The following ITGB1 variants were observed in gnomAD, a reference collection of about 807,000 sequenced individuals.
ITGB1 encodes the protein integrin subunit beta 1.
Under a neutral mutation model 86.5 loss-of-function variants are expected in ITGB1, and 24 were observed. The ratio of observed to expected loss-of-function variants is 0.28; its 90% CI spans 0.20 to 0.39. ITGB1 has a LOEUF of 0.39. Among genes scored for constraint, ITGB1 ranks in the 10% least tolerant of loss-of-function variants. The probability of loss-of-function intolerance (pLI) is 1.00; values close to 1 mark genes in which losing one functional copy is unlikely to be tolerated. For missense variants in ITGB1, 556 were observed against 946.9 expected, an observed-to-expected ratio of 0.59 and a Z score of 5.42; for synonymous variants, 323 against 316.8, an observed-to-expected ratio of 1.02 and a Z score of -0.21.
At chr10:32,939,434 C>G (rs2095012483) in intron 1 of ITGB1, among the ~76,000 whole-genome samples, 1 of 152,202 alleles carries the variant, frequency 6.6e-6, no homozygotes, top group African/African-American at 2.4e-5. Flanking sequence ...CATCTTTGTG[C>G]AACCATCACA....
intron 6 of ITGB1, 51 bp from the exon 7 acceptor site, chr10:32,923,791 C>A (rs1478675429): frequency 2.0e-6 from 3 of 1,491,432 alleles, no homozygotes; most frequent in Non-Finnish European, 2.7e-6. Context: ...AGTAATTCAA[C>A]AAAAATCCTT....
intron 6 of ITGB1, among the ~76,000 whole-genome samples, chr10:32,924,762 G>A (rs1256793255): frequency 6.6e-6 from 1 of 152,208 alleles, no homozygotes; most frequent in African/African-American, 2.4e-5. Flanking sequence ...GGCTATAACA[G>A]CAGGGACTAA....
chr10:32,923,476 C>G, intron 7 of ITGB1, 109 bp downstream of exon 7: 1 of 922,662 alleles, frequency 1.1e-6, no homozygotes, highest in Non-Finnish European at 1.6e-6. Flanking sequence ...ACCAAAACAG[C>G]AAAACCTCAA....
chr10:32,924,732 C>T (rs2094959814), intron 6 of ITGB1, among the ~76,000 whole-genome samples: 1 of 152,186 alleles, frequency 6.6e-6, no homozygotes, highest in Admixed American at 6.5e-5. Context: ...CTAGGTACTA[C>T]CTGGAATGCT....
chr10:32,927,994 A>T (rs1156978908), intron 5 of ITGB1, 100 bp downstream of exon 5: 56 of 702,320 alleles, frequency 8.0e-5, no homozygotes, highest in Non-Finnish European at 1.2e-4. Context: ...TGTTTATCTC[A>T]CAAGTATGTT....
Position 32,907,119 on chromosome 10 carries a change from G to A in ITGB1, c.2331+1249C>T. On this transcript the variant is annotated intron_variant, in intron 15 of 15. Coordinates refer to ENST00000302278, the MANE Select transcript of ITGB1 (RefSeq NM_002211.4). ...TTTGGATTCTTGAAATTATTAATAG[G>A]ACTCTTGTAAATCGGATTTTCTTGC... 1 of 1,345,614 alleles carries A rather than the reference G, an allele frequency of 7.4e-7. No homozygotes were observed. 83.4% of individuals were successfully genotyped at this position (1,345,614 alleles called of 1,614,324 possible). A position where few individuals can be genotyped will look rare whatever the true frequency, so the allele number is the denominator to read the frequency against.
At chr10:32,904,710 T>C (rs2094891467) in intron 15 of ITGB1, among the ~76,000 whole-genome samples, 1 of 152,188 alleles carries the variant, frequency 6.6e-6, no homozygotes, top group South Asian at 2.1e-4. Flanking sequence ...ATTGTTAATT[T>C]CTACTTTTTC....
intron 2 of ITGB1, chr10:32,933,244 C>T (rs562676693): frequency 2.0e-5 from 3 of 152,108 alleles, no homozygotes; most frequent in Admixed American, 2.0e-4. Flanking sequence ...GTATCAAAGA[C>T]AAGACATAAT....
At chr10:32,906,689 C>A (rs1222107626) in intron 15 of ITGB1, 4 of 222,178 alleles carry the variant, frequency 1.8e-5, no homozygotes, top group Non-Finnish European at 3.6e-5. Context: ...AGGCTGATTT[C>A]ATATACTGGA....
At chr10:32,954,036 C>T (rs2095047756) in intron 1 of ITGB1, among the ~76,000 whole-genome samples, 1 of 152,184 alleles carries the variant, frequency 6.6e-6, no homozygotes, top group Admixed American at 6.5e-5. Context: ...CCTCCTTCAG[C>T]CCGTTTTTCA....
At chr10:32,938,041 C>G (rs2095008418) in intron 1 of ITGB1, among the ~76,000 whole-genome samples, 1 of 152,210 alleles carries the variant, frequency 6.6e-6, no homozygotes, top group Non-Finnish European at 1.5e-5. Context: ...CTCAGCCCAG[C>G]AGGCTGTTAT....
At chr10:32,914,424 C>T (rs1304619692) in intron 11 of ITGB1, among the ~76,000 whole-genome samples, 2 of 152,132 alleles carry the variant, frequency 1.3e-5, no homozygotes, top group Non-Finnish European at 2.9e-5. Context: ...AGACCCATCT[C>T]ACGTGCAGAG....
chr10:32,912,578 C>CT (rs1488667713), intron 11 of ITGB1, among the ~76,000 whole-genome samples: 1 of 152,204 alleles, frequency 6.6e-6, no homozygotes, highest in African/African-American at 2.4e-5. Context: ...GCACAGCAGT[C>CT]TGAGATTGAA....
intron 11 of ITGB1, among the ~76,000 whole-genome samples, chr10:32,912,936 C>A (rs1245321234): frequency 6.6e-6 from 1 of 152,172 alleles, no homozygotes; most frequent in Non-Finnish European, 1.5e-5. Flanking sequence ...ACACCTCATA[C>A]AGCCCGGTGC....
At chr10:32,950,512 T>C (rs1429734309) in intron 1 of ITGB1, among the ~76,000 whole-genome samples, 1 of 151,898 alleles carries the variant, frequency 6.6e-6, no homozygotes, top group Non-Finnish European at 1.5e-5. Context: ...GCCCAAATAT[T>C]AATAAGCTAG....
intron 1 of ITGB1, among the ~76,000 whole-genome samples, chr10:32,944,049 C>G (rs1164989810): frequency 2.0e-5 from 3 of 152,152 alleles, no homozygotes; most frequent in Non-Finnish European, 4.4e-5. Context: ...AGGGAACAGA[C>G]AAGAAAGTTG....
rs1222047149 is a variant in ITGB1 at position 32,907,017 on chromosome 10, G to A, written c.2331+1351C>T. On this transcript the variant is annotated intron_variant, in intron 15 of 15. Transcript: ENST00000302278. ...AAAGGACACACAGTGCAGTAAAAAAGATAGAAGTTCACATGCAAAGGCAGA... is the reference window on the plus strand; with the variant it reads ...AAAGGACACACAGTGCAGTAAAAAAAATAGAAGTTCACATGCAAAGGCAGA... 5.2e-6 allele frequency: 5 copies of A among 960,686 alleles called. No individual in the cohort carries two copies. The East Asian group carries it at 2.5e-4, about 48-fold the overall frequency. The allele number at this position is 960,686 out of a possible 1,614,324, so 59.5% of individuals were successfully genotyped here.
At chr10:32,908,633 A>G in intron 14 of ITGB1, 99 bp from the exon 15 acceptor site, 2 of 912,880 alleles carry the variant, frequency 2.2e-6, no homozygotes, top group Non-Finnish European at 3.3e-6. Context: ...AACGCACACT[A>G]TCCCAAAGAA....
At chr10:32,949,325 G>A (rs2095038368) in intron 1 of ITGB1, among the ~76,000 whole-genome samples, 1 of 152,102 alleles carries the variant, frequency 6.6e-6, no homozygotes, top group Non-Finnish European at 1.5e-5. Flanking sequence ...CAGAAGCTAT[G>A]ACCTGACTTC....
Sources: gnomAD v4.1 joint callset for allele counts (sites outside exome capture counted in the v4.1 genomes callset) on GRCh38, gnomAD v4.1.1 for gene constraint, MANE v1.5 for transcripts, NCBI Gene and HGNC (gene_info 2026-07-23, HGNC 2026-07-21) for gene names.